Variants in RASGEF1B observed in about 807,000 individuals in gnomAD.
The protein encoded by RASGEF1B is RasGEF domain family member 1B, also known as ras-GEF domain-containing family member 1B.
Under a neutral mutation model 65.7 loss-of-function variants are expected in RASGEF1B, and 30 were observed. The ratio of observed to expected loss-of-function variants is 0.46; its 90% CI spans 0.34 to 0.62. The LOEUF (loss-of-function observed/expected upper bound fraction) is 0.62. Among genes scored for constraint, RASGEF1B ranks in the 20% least tolerant of loss-of-function variants. RASGEF1B has a pLI of 0.01. For missense variants in RASGEF1B, 495 were observed against 580.1 expected (o/e 0.85, Z 1.51); for synonymous variants, 175 against 194.8 (o/e 0.90, Z 0.85).
intron 2 of RASGEF1B, among the ~76,000 whole-genome samples, chr4:81,457,939 T>C (rs1244446038): frequency 6.6e-6 from 1 of 152,184 alleles, no homozygotes; most frequent in Non-Finnish European, 1.5e-5. Context: ...TAAAGAAGAA[T>C]GAAATTCAGC....
At chr4:81,434,812 A>G in intron 10 of RASGEF1B, 78 bp from the exon 11 acceptor site, 1 of 735,002 alleles carries the variant, frequency 1.4e-6, no homozygotes, top group Admixed American at 2.2e-5. Flanking sequence ...AGATTAATGA[A>G]CAACATTAAC....
intron 1 of RASGEF1B, among the ~76,000 whole-genome samples, chr4:81,465,373 A>G (rs1722772714): frequency 6.6e-6 from 1 of 152,242 alleles, no homozygotes; most frequent in Non-Finnish European, 1.5e-5. Flanking sequence ...ATGCTGGAAA[A>G]TCTTCCAACA....
chr4:81,427,456 A>C lies in RASGEF1B; in HGVS notation c.*312T>G. 1 of 343,250 alleles carries C rather than the reference A, an allele frequency of 2.9e-6. No homozygotes were observed. Among genetic ancestry groups the C allele is most frequent in the Non-Finnish European group, 5.2e-6 (1 of 191,914 alleles). The allele number at this position is 343,250 out of a possible 1,614,324, so 21.3% of individuals were successfully genotyped here. A position where few individuals can be genotyped will look rare whatever the true frequency, so the allele number is the denominator to read the frequency against. On this transcript the variant is annotated 3_prime_UTR_variant, in exon 14 of 14. Transcript: ENST00000264400. ...ACACACACAAAAGAAAACTCCATCC[A>C]GGTGCAGAGCTGTGATTCACATGGA...
At position 81,458,114 on chromosome 4, in the gene RASGEF1B, A is replaced by T. The variant is rs892747306; in HGVS notation, c.178-493T>A. Among the ~76,000 whole-genome samples, 10 of 152,370 alleles carry T rather than the reference A, an allele frequency of 6.6e-5. 1 individual carries two copies. The highest frequency in any genetic ancestry group is 6.5e-4 in the Admixed American group (10 of 15,302). ...TTCTCCACTGTGTCTAGCACATCACAGTAAAGTGTTTGTGTCAGAACATTC... is the reference window on the plus strand; with the variant it reads ...TTCTCCACTGTGTCTAGCACATCACTGTAAAGTGTTTGTGTCAGAACATTC... On this transcript the variant is annotated intron_variant, in intron 2 of 13. Transcript: ENST00000264400.
rs1231359138 is a variant in RASGEF1B at position 81,457,435 on chromosome 4, A to G, written c.300+64T>C. The G allele has an allele frequency of 1.3e-5, 20 of 1,581,054 alleles. No homozygotes were observed. The South Asian group carries it at 2.2e-4, about 17-fold the overall frequency. Reference sequence around the variant, plus strand: ...TAAGCCAGGGTTACTTAAGGAACCAACTTCACAAAATCTAAGCCATAAAGT... The same window carrying G: ...TAAGCCAGGGTTACTTAAGGAACCAGCTTCACAAAATCTAAGCCATAAAGT... On this transcript the variant is annotated intron_variant, in intron 3 of 13. Transcript: ENST00000264400.
chr4:81,434,800 C>T (rs1286542821), intron 10 of RASGEF1B, 66 bp from the exon 11 acceptor site: 1 of 779,364 alleles, frequency 1.3e-6, no homozygotes, highest in Non-Finnish European at 2.2e-6. Flanking sequence ...TAAAAATACA[C>T]AAGATTAATG....
At chr4:81,430,051 C>T (rs1412077519) in intron 13 of RASGEF1B, among the ~76,000 whole-genome samples, 1 of 152,200 alleles carries the variant, frequency 6.6e-6, no homozygotes, top group African/African-American at 2.4e-5. Context: ...CCTGTAATCC[C>T]AGCACTTTGA....
intron 1 of RASGEF1B, among the ~76,000 whole-genome samples, chr4:81,464,601 C>T (rs1469141332): frequency 6.6e-6 from 1 of 152,170 alleles, no homozygotes; most frequent in African/African-American, 2.4e-5. Flanking sequence ...CTCTCCCCAT[C>T]ACCACCCCCA....
intron 13 of RASGEF1B, 125 bp from the exon 14 acceptor site, chr4:81,427,917 AC>A: frequency 1.0e-6 from 1 of 995,808 alleles, no homozygotes; most frequent in Non-Finnish European, 1.4e-6. Flanking sequence ...ACAAAGTTAA[AC>A]CAGGAAAAAA....
intron 8 of RASGEF1B, among the ~76,000 whole-genome samples, chr4:81,442,791 C>G (rs116173202): frequency 1.3e-5 from 2 of 152,144 alleles, no homozygotes; most frequent in African/African-American, 4.8e-5. Context: ...ATATTACAGT[C>G]ACATGTTAGA....
chr4:81,465,401 C>G (rs1254755193), intron 1 of RASGEF1B, among the ~76,000 whole-genome samples: 1 of 152,190 alleles, frequency 6.6e-6, no homozygotes, highest in Non-Finnish European at 1.5e-5. Flanking sequence ...AAGATATACC[C>G]AACCCAGGTA....
At chr4:81,456,622 A>G in intron 4 of RASGEF1B, 29 bp downstream of exon 4, 2 of 1,612,776 alleles carry the variant, frequency 1.2e-6, no homozygotes, top group South Asian at 1.1e-5. Flanking sequence ...TGGGAATTCC[A>G]GCAGCCGCGC....
intron 6 of RASGEF1B, among the ~76,000 whole-genome samples, chr4:81,447,200 T>C (rs191932452): frequency 6.6e-6 from 1 of 152,192 alleles, no homozygotes; most frequent in Non-Finnish European, 1.5e-5. Flanking sequence ...AAAACCATTA[T>C]GCTTTCGTCT....
At chr4:81,430,163 T>A (rs1252351457) in intron 13 of RASGEF1B, among the ~76,000 whole-genome samples, 3 of 151,894 alleles carry the variant, frequency 2.0e-5, no homozygotes, top group Non-Finnish European at 2.9e-5. Context: ...TAGCCGGGCG[T>A]GGTGGCGGGC....
intron 1 of RASGEF1B, among the ~76,000 whole-genome samples, chr4:81,463,100 A>G (rs948966740): frequency 6.6e-6 from 1 of 152,228 alleles, no homozygotes; most frequent in Non-Finnish European, 1.5e-5. Context: ...AGCATTAAAC[A>G]AAAATCCTGT....
chr4:81,437,580 T>G (rs1447542372), intron 10 of RASGEF1B, among the ~76,000 whole-genome samples: 1 of 152,228 alleles, frequency 6.6e-6, no homozygotes, highest in Non-Finnish European at 1.5e-5. Context: ...ATATTTAAAC[T>G]TCTCATAAAT....
intron 13 of RASGEF1B, among the ~76,000 whole-genome samples, chr4:81,428,129 C>T (rs1401379687): frequency 6.6e-6 from 1 of 152,118 alleles, no homozygotes; most frequent in Non-Finnish European, 1.5e-5. Context: ...GATAGATTTA[C>T]TTGGTAGATA....
At chr4:81,440,144 T>C (rs920513248) in intron 10 of RASGEF1B, among the ~76,000 whole-genome samples, 4 of 152,196 alleles carry the variant, frequency 2.6e-5, no homozygotes, top group Admixed American at 2.6e-4. Context: ...TTACCATAAC[T>C]AAGTATTCAC....
chr4:81,445,580 C>T lies in RASGEF1B; in HGVS notation c.874G>A (p.Val292Ile), dbSNP rs1721989820. Residue 292 changes from valine (V) to isoleucine (I), a missense_variant, in exon 8 of 14, where the codon GTA becomes ATA. Coordinates refer to ENST00000264400, the MANE Select transcript of RASGEF1B (RefSeq NM_152545.3). Reference protein sequence around the residue: ...RARMIEYFIDVARECFNIGNF... With the variant: ...RARMIEYFIDIARECFNIGNF... ...CCAATGTTAAAACACTCCCGAGCTA[C>T]GTCAATGAAATACTCAATCATTCTT... The T allele has an allele frequency of 1.2e-6, 2 of 1,614,020 alleles. No individual in the cohort carries two copies. Among genetic ancestry groups the T allele is most frequent in the Non-Finnish European group, 1.7e-6 (2 of 1,179,930 alleles).
Sources: allele counts gnomAD v4.1 joint callset (sites outside exome capture counted in the v4.1 genomes callset), GRCh38; gene constraint gnomAD v4.1.1; transcripts MANE v1.5; gene names NCBI Gene and HGNC (gene_info 2026-07-23, HGNC 2026-07-21).